The following AKR1C8 variants were observed in gnomAD, a reference collection of about 807,000 sequenced individuals.
AKR1C8 encodes aldo-keto reductase family 1 member C-like protein 1.
the AKR1C8 span, chr10:5,154,197 A>G: frequency 4.3e-6 from 2 of 470,288 alleles, no homozygotes; most frequent in South Asian, 1.6e-5. Context: ...AAGAGAAAAA[A>G]TATTAATTTA....
the AKR1C8 span, among the ~76,000 whole-genome samples, chr10:5,144,082 T>C: frequency 2.0e-5 from 3 of 152,194 alleles, no homozygotes; most frequent in Non-Finnish European, 4.4e-5. Context: ...AGTTTCAGCT[T>C]TCTACATATG....
the AKR1C8 span, among the ~76,000 whole-genome samples, chr10:5,178,739 C>T: frequency 6.6e-6 from 1 of 151,510 alleles, no homozygotes; most frequent in Non-Finnish European, 1.5e-5. Context: ...ATGTAATGGC[C>T]TCATCTCTTT....
chr10:5,131,589 ATTAC>A, the AKR1C8 span, among the ~76,000 whole-genome samples: 1 of 152,140 alleles, frequency 6.6e-6, no homozygotes, highest in Non-Finnish European at 1.5e-5. Flanking sequence ...AAGGTTCAAC[ATTAC>A]TAATAATCAG....
chr10:5,152,715 T>A, the AKR1C8 span, among the ~76,000 whole-genome samples: 2 of 152,108 alleles, frequency 1.3e-5, no homozygotes, highest in African/African-American at 4.8e-5. Context: ...GGGGCCTTCA[T>A]TTGAGGGTAT....
At chr10:5,123,046 C>T in the AKR1C8 span, among the ~76,000 whole-genome samples, 1 of 152,178 alleles carries the variant, frequency 6.6e-6, no homozygotes, top group South Asian at 2.1e-4. Context: ...AAATTGCCAA[C>T]TTAATGTTGA....
the AKR1C8 span, among the ~76,000 whole-genome samples, chr10:5,175,902 G>T: frequency 6.6e-6 from 1 of 152,060 alleles, no homozygotes; most frequent in Non-Finnish European, 1.5e-5. Context: ...AGTAGGTTGC[G>T]AAAATTTTCT....
chr10:5,173,392 A>T, the AKR1C8 span, among the ~76,000 whole-genome samples: 1 of 152,226 alleles, frequency 6.6e-6, no homozygotes, highest in Admixed American at 6.6e-5. Flanking sequence ...TTGAATGTGT[A>T]ACAGGTGCAG....
At chr10:5,130,646 T>G in the AKR1C8 span, among the ~76,000 whole-genome samples, 1 of 151,566 alleles carries the variant, frequency 6.6e-6, no homozygotes. Flanking sequence ...ATGCTGAGAG[T>G]CAAATTAAGA....
the AKR1C8 span, among the ~76,000 whole-genome samples, chr10:5,180,786 G>A: frequency 5.9e-4 from 90 of 152,328 alleles, no homozygotes; most frequent in South Asian, 4.1e-4. Context: ...AGGACCCTCC[G>A]AGCCATGTGT....
the AKR1C8 span, among the ~76,000 whole-genome samples, chr10:5,171,632 G>A: frequency 6.6e-6 from 1 of 152,010 alleles, no homozygotes; most frequent in Non-Finnish European, 1.5e-5. Flanking sequence ...CATAAGGTAA[G>A]ATTTTTACAG....
the AKR1C8 span, among the ~76,000 whole-genome samples, chr10:5,142,876 C>A: frequency 1.3e-5 from 2 of 152,012 alleles, no homozygotes; most frequent in Non-Finnish European, 2.9e-5. Context: ...TACTAACAGG[C>A]TTGTTCAATG....
the AKR1C8 span, among the ~76,000 whole-genome samples, chr10:5,175,352 C>A: frequency 6.6e-6 from 1 of 152,092 alleles, no homozygotes; most frequent in Admixed American, 6.5e-5. Flanking sequence ...ATATGTGCCA[C>A]ATTTTCTTAG....
the AKR1C8 span, chr10:5,160,889 G>C: frequency 4.2e-6 from 2 of 470,896 alleles, no homozygotes; most frequent in African/African-American, 2.0e-5. Flanking sequence ...TCTTTCCCAG[G>C]CTGGAAAATA....
the AKR1C8 span, chr10:5,132,802 T>A: frequency 1.1e-6 from 1 of 945,338 alleles, no homozygotes; most frequent in Non-Finnish European, 1.6e-6. Flanking sequence ...TATTTGGTGA[T>A]CAATGTGCTC....
chr10:5,130,072 T>C, the AKR1C8 span, among the ~76,000 whole-genome samples: 2 of 151,916 alleles, frequency 1.3e-5, no homozygotes, highest in African/African-American at 4.8e-5. Context: ...TAATACATCA[T>C]GATCAAGTGG....
At chr10:5,137,217 T>C in the AKR1C8 span, among the ~76,000 whole-genome samples, 1,928 of 152,164 alleles carry the variant, frequency 0.013, 18 homozygotes, top group Non-Finnish European at 0.018. Flanking sequence ...ACAGCTCCCA[T>C]CTGCAGCTCC....
chr10:5,166,027 C>A, the AKR1C8 span, among the ~76,000 whole-genome samples: 1 of 152,064 alleles, frequency 6.6e-6, no homozygotes, highest in Admixed American at 6.6e-5. Flanking sequence ...GTGGGACACC[C>A]TTTCTATCTT....
chr10:5,156,113 A>T, the AKR1C8 span, among the ~76,000 whole-genome samples: 1 of 152,196 alleles, frequency 6.6e-6, no homozygotes, highest in Non-Finnish European at 1.5e-5. Context: ...ACATGTCCAC[A>T]CTTGGTCAGG....
the AKR1C8 span, among the ~76,000 whole-genome samples, chr10:5,120,070 G>A: frequency 6.6e-6 from 1 of 152,130 alleles, no homozygotes; most frequent in South Asian, 2.1e-4. Context: ...CCGGAATGAT[G>A]GCAAGGAACA....
Sources: gnomAD v4.1 joint callset for allele counts (sites outside exome capture counted in the v4.1 genomes callset) on GRCh38, gnomAD v4.1.1 for gene constraint, MANE v1.5 for transcripts, NCBI Gene and HGNC (gene_info 2026-07-23, HGNC 2026-07-21) for gene names.